PRKG1: variants seen among roughly 807,000 people sequenced by gnomAD.
PRKG1 encodes the protein protein kinase cGMP-dependent 1.
A neutral mutation model predicts 88.1 loss-of-function variants in PRKG1; 35 were observed. The ratio of observed to expected loss-of-function variants is 0.40; its 90% CI spans 0.30 to 0.53. The LOEUF (loss-of-function observed/expected upper bound fraction) is 0.53, where lower values mean the gene tolerates loss of function less well. Among genes scored for constraint, PRKG1 ranks in the 20% least tolerant of loss-of-function variants. The pLI is 0.59. For synonymous variants in PRKG1, 303 were observed against 292.5 expected (o/e 1.04, Z -0.37); for missense variants, 540 against 839.8 (o/e 0.64, Z 4.41).
rs1554831109 is a variant in PRKG1 at position 51,034,668 on chromosome 10, T to TATATA, written c.266+43024_266+43025insATATA. ...AGCAAAATTATATATAATATGTTAT[T>TATATA]TATATATATATATATATATATATAT... On this transcript the variant is annotated intron_variant, in intron 1 of 17. Coordinates refer to the PRKG1 transcript ENST00000401604. 2.3e-4 allele frequency among the ~76,000 whole-genome samples: 16 copies of TATATA among 68,186 alleles called. 2 individuals carry two copies. The highest frequency in any genetic ancestry group is 2.7e-4 in the Non-Finnish European group (10 of 36,470). The allele number at this position is 68,186 out of a possible 152,430, so 44.7% of individuals were successfully genotyped here. A position where few individuals can be genotyped will look rare whatever the true frequency, so the allele number is the denominator to read the frequency against.
intron 2 of PRKG1, among the ~76,000 whole-genome samples, chr10:51,195,818 T>C (rs1837748960): frequency 6.6e-6 from 1 of 152,198 alleles, no homozygotes; most frequent in South Asian, 2.1e-4. Context: ...GGTTATTCTT[T>C]TATACTAAAT....
rs530658260 is a variant in PRKG1, at chr10:51,043,592, C to T, written c.266+51948C>T. The stretch of plus-strand genomic sequence containing the variant: ...TCATCAGACTGTAAGGGGCAGGAAC[C>T]ACAGGCCATAGTACTTTTCTTACTC... On this transcript the variant is annotated intron_variant, in intron 1 of 17. Transcript: ENST00000401604. Among the ~76,000 whole-genome samples, 28 of 152,262 alleles carry T rather than the reference C, an allele frequency of 1.8e-4. No homozygotes were observed. The South Asian group carries it at 5.8e-3, about 32-fold the overall frequency.
At chr10:51,241,757 G>A (rs1017125014) in intron 2 of PRKG1, among the ~76,000 whole-genome samples, 2 of 152,082 alleles carry the variant, frequency 1.3e-5, no homozygotes, top group Admixed American at 6.6e-5. Flanking sequence ...AACTTCAGAG[G>A]CAGAGAAAAG....
chr10:51,898,539 T>TA (rs899903047), intron 4 of PRKG1, among the ~76,000 whole-genome samples: 6 of 151,610 alleles, frequency 4.0e-5, no homozygotes, highest in South Asian at 2.1e-4. Context: ...TTTCCAATAT[T>TA]AAAAAAAAAT....
chr10:51,655,871 T>C (rs1185033562), intron 3 of PRKG1, among the ~76,000 whole-genome samples: 2 of 152,166 alleles, frequency 1.3e-5, no homozygotes, highest in Admixed American at 6.6e-5. Flanking sequence ...ATATTGGGGA[T>C]AATAGACAGA....
chr10:51,256,843 G>A (rs964014329), intron 2 of PRKG1, among the ~76,000 whole-genome samples: 2 of 151,826 alleles, frequency 1.3e-5, no homozygotes, highest in Admixed American at 1.3e-4. Context: ...TGGACTATGG[G>A]GGAAGCTATT....
chr10:51,259,146 G>A (rs1469937377), intron 2 of PRKG1, among the ~76,000 whole-genome samples: 2 of 152,008 alleles, frequency 1.3e-5, no homozygotes, highest in Admixed American at 6.6e-5. Context: ...TTGTACATGG[G>A]TGTGTTTCTA....
At chr10:51,090,145 G>T (rs1168431356) in intron 1 of PRKG1, among the ~76,000 whole-genome samples, 1 of 152,212 alleles carries the variant, frequency 6.6e-6, no homozygotes, top group Non-Finnish European at 1.5e-5. Context: ...GATAATGCTT[G>T]AGAATCCCCA....
chr10:51,156,391 T>C (rs929735509), intron 2 of PRKG1, among the ~76,000 whole-genome samples: 6 of 151,766 alleles, frequency 4.0e-5, no homozygotes, highest in African/African-American at 7.3e-5. Context: ...GTAAGTATAC[T>C]AATATTTTCC....
chr10:52,279,366 A>G (rs1168727139), intron 12 of PRKG1, among the ~76,000 whole-genome samples: 1 of 152,292 alleles, frequency 6.6e-6, no homozygotes, highest in Admixed American at 6.5e-5. Context: ...GAGATTCAGG[A>G]GTCATGGTAA....
intron 3 of PRKG1, among the ~76,000 whole-genome samples, chr10:51,562,214 A>C: frequency 1.4e-5 from 1 of 71,330 alleles, no homozygotes; most frequent in African/African-American, 4.8e-5. Context: ...ACAGACCTAG[A>C]CTCCATCTCA....
At chr10:52,239,722 T>G (rs184136864) in intron 9 of PRKG1, among the ~76,000 whole-genome samples, 1 of 152,208 alleles carries the variant, frequency 6.6e-6, no homozygotes, top group Non-Finnish European at 1.5e-5. Context: ...CAGCATTCAT[T>G]TGAACTGGCA....
rs150620405 is a variant in PRKG1 at position 51,221,159 on chromosome 10, T to A, written c.478+67829T>A. Among the ~76,000 whole-genome samples, 1,164 of 152,162 alleles carry A rather than the reference T, an allele frequency of 7.6e-3. 5 individuals carry two copies. Among genetic ancestry groups the A allele is most frequent in the Middle Eastern group, 0.034 (9 of 268 alleles). On this transcript the variant is annotated intron_variant, in intron 2 of 17. Transcript: ENST00000373980. ...TCACCAAATATAGTTTTCTTTTAATTTTTTTAAATTTTGTAAAAATGTAAG... is the reference window on the plus strand; with the variant it reads ...TCACCAAATATAGTTTTCTTTTAATATTTTTAAATTTTGTAAAAATGTAAG...
chr10:52,191,517 C>A (rs933992399), intron 9 of PRKG1, among the ~76,000 whole-genome samples: 1 of 152,178 alleles, frequency 6.6e-6, no homozygotes, highest in African/African-American at 2.4e-5. Context: ...ATCCACTCTT[C>A]CAGATTATCC....
intron 3 of PRKG1, among the ~76,000 whole-genome samples, chr10:51,559,940 C>T (rs999568872): frequency 3.3e-5 from 5 of 152,126 alleles, no homozygotes; most frequent in Non-Finnish European, 5.9e-5. Flanking sequence ...CCTGATCACT[C>T]ATTTGCATAT....
intron 2 of PRKG1, among the ~76,000 whole-genome samples, chr10:51,249,535 T>A (rs1417240196): frequency 6.6e-6 from 1 of 151,892 alleles, no homozygotes; most frequent in Non-Finnish European, 1.5e-5. Flanking sequence ...TAATCAGACA[T>A]ATTTTAGGTG....
chr10:51,523,286 A>G (rs187078574), intron 3 of PRKG1, among the ~76,000 whole-genome samples: 27 of 152,210 alleles, frequency 1.8e-4, no homozygotes, highest in African/African-American at 6.0e-4. Flanking sequence ...CTCTACCTCA[A>G]TCTCTGTGAG....
intron 3 of PRKG1, among the ~76,000 whole-genome samples, chr10:51,506,844 A>C (rs1489384577): frequency 6.6e-6 from 1 of 152,158 alleles, no homozygotes; most frequent in Non-Finnish European, 1.5e-5. Context: ...ATAAAGACAT[A>C]TGCACACATA....
At chr10:51,590,819 G>C (rs115331857) in intron 3 of PRKG1, among the ~76,000 whole-genome samples, 10,880 of 152,018 alleles carry the variant, frequency 0.072, 1,267 homozygotes, top group African/African-American at 0.25. Context: ...GATATGGGGG[G>C]GGTGGGGTGG....
Sources: gnomAD v4.1 joint callset for allele counts (sites outside exome capture counted in the v4.1 genomes callset) on GRCh38, gnomAD v4.1.1 for gene constraint, MANE v1.5 for transcripts, NCBI Gene and HGNC (gene_info 2026-07-23, HGNC 2026-07-21) for gene names.